Variants in PTPRO observed in about 807,000 individuals in gnomAD.
PTPRO encodes the protein receptor-type tyrosine-protein phosphatase O.
A neutral mutation model predicts 145.2 loss-of-function variants in PTPRO; 62 were observed. The observed-to-expected ratio is 0.43, with a 90% CI of 0.35 to 0.53. PTPRO has a LOEUF of 0.53. Among genes scored for constraint, PTPRO ranks in the 20% least tolerant of loss-of-function variants. The pLI is 0.01. For missense variants in PTPRO, 1,345 were observed against 1,482.7 expected, an observed-to-expected ratio of 0.91 and a Z score of 1.53; for synonymous variants, 565 against 514.7, an observed-to-expected ratio of 1.10 and a Z score of -1.32.
chr12:15,397,095 A>G lies in PTPRO; in HGVS notation c.75+74294A>G, dbSNP rs898626843. Among the ~76,000 whole-genome samples, 4 of 152,160 alleles carry G rather than the reference A, an allele frequency of 2.6e-5. No individual in the cohort carries two copies. The South Asian group carries it at 8.3e-4, about 32-fold the overall frequency. ...TTGTCCTCAATAGAAAGTTCCTGTA[A>G]TACATTGAAATCATATAATATTTTA... On this transcript the variant is annotated intron_variant, in intron 1 of 26. Coordinates refer to ENST00000281171, the MANE Select transcript of PTPRO (RefSeq NM_030667.3).
intron 1 of PTPRO, among the ~76,000 whole-genome samples, chr12:15,464,274 T>G (rs1380494160): frequency 6.6e-6 from 1 of 152,108 alleles, no homozygotes; most frequent in Non-Finnish European, 1.5e-5. Context: ...TTAACATTGG[T>G]TTTTTCAAAT....
At chr12:15,500,175 T>C (rs1942191345) in intron 4 of PTPRO, among the ~76,000 whole-genome samples, 1 of 152,002 alleles carries the variant, frequency 6.6e-6, no homozygotes, top group Non-Finnish European at 1.5e-5. Flanking sequence ...ATCACCAATA[T>C]AAGCAAAATC....
chr12:15,503,900 T>A lies in PTPRO; in HGVS notation c.1106-8T>A, dbSNP rs775244158. ...TCATGTATCTTCTCTTTTTTATATATGATTTAGAGAACTTTACTGAATATT... is the reference window on the plus strand; with the variant it reads ...TCATGTATCTTCTCTTTTTTATATAAGATTTAGAGAACTTTACTGAATATT... On this transcript the variant is annotated splice_polypyrimidine_tract_variant and splice_region_variant and intron_variant, in intron 5 of 26. Coordinates refer to ENST00000281171, the MANE Select transcript of PTPRO (RefSeq NM_030667.3). 3 of 1,561,260 alleles carry A rather than the reference T, an allele frequency of 1.9e-6. No individual in the cohort carries two copies. The South Asian group carries it at 3.3e-5, about 17-fold the overall frequency.
At chr12:15,531,304 C>A (rs1332847060) in intron 12 of PTPRO, among the ~76,000 whole-genome samples, 5 of 152,104 alleles carry the variant, frequency 3.3e-5, no homozygotes, top group African/African-American at 1.2e-4. Context: ...GCCAATCCTG[C>A]TCAAACTTTT....
chr12:15,406,851 C>T (rs945681334), intron 1 of PTPRO, among the ~76,000 whole-genome samples: 5 of 152,078 alleles, frequency 3.3e-5, no homozygotes, highest in East Asian at 3.9e-4. Flanking sequence ...AACAACAATA[C>T]GAGAACAATT....
At chr12:15,434,149 T>C (rs943437192) in intron 1 of PTPRO, among the ~76,000 whole-genome samples, 5 of 152,218 alleles carry the variant, frequency 3.3e-5, no homozygotes, top group Non-Finnish European at 7.3e-5. Flanking sequence ...TTATATCCCA[T>C]ATTTCTAGAA....
chr12:15,565,660 A>T, intron 18 of PTPRO, 32 bp downstream of exon 18: 1 of 1,355,476 alleles, frequency 7.4e-7, no homozygotes, highest in Non-Finnish European at 1.1e-6. Flanking sequence ...ATTTAAAAGG[A>T]TGTTTGTTAT....
At chr12:15,487,161 G>A (rs1394303151) in intron 2 of PTPRO, among the ~76,000 whole-genome samples, 1 of 152,076 alleles carries the variant, frequency 6.6e-6, no homozygotes, top group African/African-American at 2.4e-5. Flanking sequence ...GATGTTCTTC[G>A]TTCTCGTGGT....
At chr12:15,499,642 A>AT in intron 4 of PTPRO, 48 bp downstream of exon 4, 1 of 1,564,032 alleles carries the variant, frequency 6.4e-7, no homozygotes, top group Non-Finnish European at 8.8e-7. Context: ...ATTCAGTTAT[A>AT]TTTTGCTGTA....
intron 18 of PTPRO, among the ~76,000 whole-genome samples, chr12:15,568,867 T>G (rs539897177): frequency 2.6e-5 from 4 of 152,152 alleles, no homozygotes; most frequent in Non-Finnish European, 4.4e-5. Context: ...TGCCTCTGCT[T>G]TGGGGAGACT....
chr12:15,567,662 A>G (rs1433368910), intron 18 of PTPRO, among the ~76,000 whole-genome samples: 1 of 152,214 alleles, frequency 6.6e-6, no homozygotes, highest in African/African-American at 2.4e-5. Context: ...CTGCCCAAAG[A>G]CACCAGCCAG....
At chr12:15,384,398 A>C (rs1269778738) in intron 1 of PTPRO, among the ~76,000 whole-genome samples, 1 of 152,210 alleles carries the variant, frequency 6.6e-6, no homozygotes, top group Admixed American at 6.5e-5. Flanking sequence ...TAAACAACAG[A>C]AATGTGTTTT....
At chr12:15,571,639 C>A (rs1445404810) in intron 19 of PTPRO, among the ~76,000 whole-genome samples, 1 of 152,192 alleles carries the variant, frequency 6.6e-6, no homozygotes, top group Non-Finnish European at 1.5e-5. Context: ...AGCACCACAG[C>A]CTTTTGTTTC....
intron 1 of PTPRO, among the ~76,000 whole-genome samples, chr12:15,452,569 C>G (rs1288237158): frequency 6.6e-6 from 1 of 152,092 alleles, no homozygotes; most frequent in African/African-American, 2.4e-5. Context: ...ACCAGTATCC[C>G]TGATGAATAT....
At chr12:15,468,615 T>C (rs1372975779) in intron 1 of PTPRO, among the ~76,000 whole-genome samples, 1 of 152,236 alleles carries the variant, frequency 6.6e-6, no homozygotes, top group East Asian at 1.9e-4. Flanking sequence ...CAAATATTTC[T>C]TAACAATGCT....
intron 1 of PTPRO, among the ~76,000 whole-genome samples, chr12:15,413,644 GTC>G (rs1179871881): frequency 2.0e-5 from 3 of 151,962 alleles, no homozygotes; most frequent in Admixed American, 2.0e-4. Flanking sequence ...ATAAAACCCT[GTC>G]TCTACTAAAA....
Position 15,322,910 on chromosome 12 carries a change from C to T in PTPRO, c.75+109C>T. On this transcript the variant is annotated intron_variant, in intron 1 of 26. Coordinates refer to ENST00000281171, the MANE Select transcript of PTPRO (RefSeq NM_030667.3). This position sits in a 1 kb window ranked among gnomAD's most constrained non-coding sequence, Gnocchi z 6.3. ...CGCGCCCCAGGGCACGATGGCCCAG[C>T]CGCGGGAAGCGCCTGCCGTGCAGCC... The T allele has an allele frequency of 9.2e-7, 1 of 1,081,126 alleles. No homozygotes were observed. Among genetic ancestry groups the T allele is most frequent in the African/African-American group, 1.6e-5 (1 of 60,750 alleles). The allele number at this position is 1,081,126 out of a possible 1,614,324, so 67.0% of individuals were successfully genotyped here.
chr12:15,374,479 G>T (rs1394317098), intron 1 of PTPRO, among the ~76,000 whole-genome samples: 1 of 151,998 alleles, frequency 6.6e-6, no homozygotes, highest in Admixed American at 6.6e-5. Context: ...TTAAACCCTT[G>T]CCCCTCTCCC....
chr12:15,464,431 T>C (rs1255415395), intron 1 of PTPRO, among the ~76,000 whole-genome samples: 40 of 152,080 alleles, frequency 2.6e-4, no homozygotes, highest in Non-Finnish European at 1.0e-4. Context: ...CTCGGCTCAC[T>C]GCAAGCTCCA....
Sources: allele counts gnomAD v4.1 joint callset (sites outside exome capture counted in the v4.1 genomes callset), GRCh38; gene constraint gnomAD v4.1.1; non-coding constraint Gnocchi (gnomAD v3.1); transcripts MANE v1.5; gene names NCBI Gene and HGNC (gene_info 2026-07-23, HGNC 2026-07-21).